Variants in FSTL4 observed in about 807,000 individuals in gnomAD.
FSTL4 encodes follistatin-related protein 4.
A neutral mutation model predicts 78.2 loss-of-function variants in FSTL4; 28 were observed. That is an observed-to-expected ratio of 0.36 (90% CI 0.27 to 0.49). The LOEUF is 0.49. Ranked by LOEUF, FSTL4 falls within the 20% of genes least tolerant of loss-of-function variation. The pLI is 0.98. For synonymous variants in FSTL4, 422 were observed against 440.5 expected (o/e 0.96, Z 0.53); for missense variants, 922 against 1,084.9 (o/e 0.85, Z 2.11).
chr5:133,697,142 G>A, the FSTL4 span, among the ~76,000 whole-genome samples: 1 of 152,214 alleles, frequency 6.6e-6, no homozygotes, highest in Non-Finnish European at 1.5e-5. Context: ...GACTAGCAGG[G>A]ATATTATATA....
At chr5:133,205,174 T>A (rs758209241) in intron 14 of FSTL4, among the ~76,000 whole-genome samples, 4 of 152,230 alleles carry the variant, frequency 2.6e-5, no homozygotes, top group Admixed American at 6.5e-5. Context: ...TCTATTCCTA[T>A]GTTTAGGCTT....
At chr5:133,496,183 C>T (rs1257825549) in intron 3 of FSTL4, among the ~76,000 whole-genome samples, 1 of 152,186 alleles carries the variant, frequency 6.6e-6, no homozygotes, top group Non-Finnish European at 1.5e-5. Context: ...ACACCCAATT[C>T]CTTTAAGTAG....
the FSTL4 span, among the ~76,000 whole-genome samples, chr5:133,668,761 C>A: frequency 1.3e-5 from 2 of 152,090 alleles, no homozygotes; most frequent in African/African-American, 4.8e-5. Flanking sequence ...GTTAAGGCTG[C>A]CCATGGAGGG....
Position 133,510,117 on chromosome 5 carries a change from G to A in FSTL4, c.160+57069C>T, listed in dbSNP as rs144969525. On this transcript the variant is annotated intron_variant, in intron 3 of 15. Coordinates refer to ENST00000265342, the MANE Select transcript of FSTL4 (RefSeq NM_015082.2). Reference sequence around the variant, plus strand: ...GAATAACCCTATGAGGAAGGCACCAGCATTATCCCCATTTTACAGTTGAAA... The same window carrying A: ...GAATAACCCTATGAGGAAGGCACCAACATTATCCCCATTTTACAGTTGAAA... Among the ~76,000 whole-genome samples the A allele has an allele frequency of 3.4e-3, 517 of 152,352 alleles. 3 individuals are homozygous for A. The highest frequency in any genetic ancestry group is 0.012 in the African/African-American group (502 of 41,574).
At chr5:133,738,528 C>T in the FSTL4 span, among the ~76,000 whole-genome samples, 1 of 152,188 alleles carries the variant, frequency 6.6e-6, no homozygotes, top group East Asian at 1.9e-4. Context: ...CCCCTGCATG[C>T]ACCACCCCAC....
rs1161062719 is a variant in FSTL4 at position 133,400,867 on chromosome 5, T to C, written c.280A>G (p.Arg94Gly). 5.6e-6 allele frequency: 9 copies of C among 1,613,856 alleles called. No individual in the cohort carries two copies. The Admixed American group carries it at 6.7e-5, about 12-fold the overall frequency. Residue 94 changes from arginine (R) to glycine (G), a missense_variant, in exon 4 of 16, where the codon AGG becomes GGG. Coordinates refer to ENST00000265342, the MANE Select transcript of FSTL4 (RefSeq NM_015082.2). ...CCGCACACAGGCACGTAGCTGGGCC[T>C]GCATGCCTCCAGGCACTGGCATTCG... ...EPECQCLEAC[R>G]PSYVPVCGSD... is the part of the protein sequence containing the mutation.
intron 3 of FSTL4, among the ~76,000 whole-genome samples, chr5:133,408,480 A>G (rs1338747768): frequency 6.6e-6 from 1 of 151,330 alleles, no homozygotes; most frequent in Non-Finnish European, 1.5e-5. Context: ...CCCCTGGTGG[A>G]GCAGAGGGAG....
chr5:133,526,892 T>C (rs1759113224), intron 3 of FSTL4, among the ~76,000 whole-genome samples: 1 of 152,166 alleles, frequency 6.6e-6, no homozygotes, highest in Non-Finnish European at 1.5e-5. Context: ...GCCAGCCAAC[T>C]TCCTTCACCT....
chr5:133,467,045 T>G (rs1757725627), intron 3 of FSTL4, among the ~76,000 whole-genome samples: 1 of 151,762 alleles, frequency 6.6e-6, no homozygotes, highest in South Asian at 2.1e-4. Flanking sequence ...AGAGTATGAT[T>G]GTATGAGTAT....
At chr5:133,770,702 T>C in the FSTL4 span, among the ~76,000 whole-genome samples, 3 of 152,222 alleles carry the variant, frequency 2.0e-5, no homozygotes, top group African/African-American at 7.2e-5. Context: ...TCTTCTGCTG[T>C]GCAGAAGTTT....
chr5:133,265,070 G>A (rs933430029), intron 6 of FSTL4, among the ~76,000 whole-genome samples: 1 of 152,184 alleles, frequency 6.6e-6, no homozygotes, highest in Non-Finnish European at 1.5e-5. Flanking sequence ...AGTAGGGACT[G>A]CAGCATTTGG....
At chr5:133,604,613 G>A (rs1464376688) in intron 1 of FSTL4, among the ~76,000 whole-genome samples, 1 of 152,146 alleles carries the variant, frequency 6.6e-6, no homozygotes, top group Admixed American at 6.5e-5. Context: ...GGAGGCTGGG[G>A]CAGGAGAATC....
chr5:133,428,334 G>A (rs1439672524), intron 3 of FSTL4, among the ~76,000 whole-genome samples: 1 of 152,150 alleles, frequency 6.6e-6, no homozygotes, highest in African/African-American at 2.4e-5. Flanking sequence ...TGACTCTCTG[G>A]CTTGCCCTAG....
chr5:133,475,367 G>A (rs1217127346), intron 3 of FSTL4, among the ~76,000 whole-genome samples: 1 of 152,178 alleles, frequency 6.6e-6, no homozygotes, highest in Non-Finnish European at 1.5e-5. Flanking sequence ...GGCGGCGTCC[G>A]ACCGTGGGAA....
At chr5:133,474,466 G>T (rs1490803233) in intron 3 of FSTL4, among the ~76,000 whole-genome samples, 2 of 152,208 alleles carry the variant, frequency 1.3e-5, no homozygotes, top group Non-Finnish European at 2.9e-5. Context: ...GAAATGCACA[G>T]GCCAGTGGAA....
rs1480828620 is a variant in FSTL4 at position 133,198,825 on chromosome 5, T to A, written c.*270A>T. On this transcript the variant is annotated 3_prime_UTR_variant, in exon 16 of 16. Transcript: ENST00000265342. The stretch of plus-strand genomic sequence containing the variant: ...TCCATGATGTCCCCAGGTCACTCGG[T>A]GTGCAGCTTGGCACAGAAATGATCC... The A allele has an allele frequency of 6.1e-6, 2 of 325,950 alleles. No homozygotes were observed. Among genetic ancestry groups the A allele is most frequent in the Admixed American group, 4.4e-5 (1 of 22,742 alleles). The allele number at this position is 325,950 out of a possible 1,614,324, so 20.2% of individuals were successfully genotyped here. A position where few individuals can be genotyped will look rare whatever the true frequency, so the allele number is the denominator to read the frequency against.
chr5:133,410,069 A>G (rs772704172), intron 3 of FSTL4, among the ~76,000 whole-genome samples: 16 of 152,080 alleles, frequency 1.1e-4, no homozygotes, highest in Non-Finnish European at 1.8e-4. Context: ...TTTTCCCTCT[A>G]TTTGTCCTAT....
chr5:133,487,001 C>A (rs1367666423), intron 3 of FSTL4, among the ~76,000 whole-genome samples: 1 of 152,198 alleles, frequency 6.6e-6, no homozygotes, highest in Non-Finnish European at 1.5e-5. Context: ...GAACTGCACA[C>A]CCTTACAGCA....
At chr5:133,729,818 C>A in the FSTL4 span, among the ~76,000 whole-genome samples, 3 of 152,064 alleles carry the variant, frequency 2.0e-5, no homozygotes, top group Non-Finnish European at 2.9e-5. Flanking sequence ...ACCCCACCCC[C>A]CAATCCTGAG....
Sources: gnomAD v4.1 joint callset for allele counts (sites outside exome capture counted in the v4.1 genomes callset) on GRCh38, gnomAD v4.1.1 for gene constraint, MANE v1.5 for transcripts, NCBI Gene and HGNC (gene_info 2026-07-23, HGNC 2026-07-21) for gene names.